The following UNC79 variants were observed in gnomAD, a reference collection of about 807,000 sequenced individuals.
UNC79 encodes protein unc-79 homolog.
In UNC79, 37 loss-of-function variants were observed where a neutral mutation model predicts 283.1. The observed-to-expected ratio is 0.13, with a 90% CI of 0.10 to 0.17. The LOEUF is 0.17. Among genes scored for constraint, UNC79 ranks in the 10% least tolerant of loss-of-function variants. The pLI is 1.00. For synonymous variants in UNC79, 1,107 were observed against 1,200.2 expected, an observed-to-expected ratio of 0.92 and a Z score of 1.61; for missense variants, 2,272 against 3,211.1, an observed-to-expected ratio of 0.71 and a Z score of 7.07.
intron 5 of UNC79, among the ~76,000 whole-genome samples, chr14:93,493,901 A>ATATTTTTTTTT (rs1251701550): frequency 4.1e-5 from 2 of 49,250 alleles, no homozygotes; most frequent in Non-Finnish European, 6.6e-5. Context: ...ATATATATAT[A>ATATTTTTTTTT]TTTTTTTTTT....
intron 40 of UNC79, among the ~76,000 whole-genome samples, chr14:93,668,453 A>G (rs912004637): frequency 2.6e-5 from 4 of 152,096 alleles, no homozygotes; most frequent in Admixed American, 1.3e-4. Flanking sequence ...GCTCATGCCT[A>G]TAATCCCTTC....
At chr14:93,355,120 C>T (rs1460635178) in intron 1 of UNC79, among the ~76,000 whole-genome samples, 2 of 151,904 alleles carry the variant, frequency 1.3e-5, no homozygotes, top group East Asian at 3.9e-4. Context: ...ACCTCCTCCT[C>T]CTGGGTTCAA....
intron 1 of UNC79, among the ~76,000 whole-genome samples, chr14:93,449,921 A>G (rs751270656): frequency 6.6e-6 from 1 of 152,226 alleles, no homozygotes; most frequent in Non-Finnish European, 1.5e-5. Context: ...GGTGGTGGGT[A>G]AATGGGTGTA....
At chr14:93,615,720 CAAAAAAA>C (rs1158073507) in intron 27 of UNC79, among the ~76,000 whole-genome samples, 2 of 23,292 alleles carry the variant, frequency 8.6e-5, no homozygotes, top group Non-Finnish European at 1.1e-4. Flanking sequence ...GACTCCATCT[CAAAAAAA>C]AAAAAAAAAA....
intron 1 of UNC79, among the ~76,000 whole-genome samples, chr14:93,417,397 A>T (rs1195201992): frequency 1.3e-5 from 2 of 152,192 alleles, no homozygotes; most frequent in African/African-American, 2.4e-5. Flanking sequence ...ATCCGCTGTT[A>T]GTCTGATGGG....
intron 23 of UNC79, 112 bp downstream of exon 23, chr14:93,593,949 T>G: frequency 8.2e-7 from 1 of 1,215,620 alleles, no homozygotes; most frequent in Non-Finnish European, 1.1e-6. Context: ...AAAGGCATTC[T>G]CCTGCTGGCT....
intron 42 of UNC79, 144 bp downstream of exon 45, chr14:93,682,838 C>G: frequency 1.4e-6 from 1 of 697,192 alleles, no homozygotes; most frequent in South Asian, 2.0e-5. Context: ...ACCTATAATT[C>G]TTTGATTCAT....
chr14:93,500,642 A>G (rs140658967), intron 7 of UNC79, among the ~76,000 whole-genome samples: 14 of 152,306 alleles, frequency 9.2e-5, no homozygotes, highest in African/African-American at 3.1e-4. Flanking sequence ...TAAACCTTAC[A>G]AAAATATTGG....
intron 35 of UNC79, among the ~76,000 whole-genome samples, chr14:93,651,215 A>C (rs2140312329): frequency 1.3e-5 from 2 of 152,320 alleles, no homozygotes; most frequent in African/African-American, 4.8e-5. Flanking sequence ...AAAGTCAGGT[A>C]GCATTAGTCC....
intron 7 of UNC79, among the ~76,000 whole-genome samples, chr14:93,513,068 T>C (rs1443714273): frequency 6.6e-6 from 1 of 152,162 alleles, no homozygotes; most frequent in East Asian, 1.9e-4. Context: ...CATCAAGGCT[T>C]AGCTTTATTT....
intron 1 of UNC79, among the ~76,000 whole-genome samples, chr14:93,352,261 T>C (rs2053993401): frequency 6.6e-6 from 1 of 152,216 alleles, no homozygotes; most frequent in South Asian, 2.1e-4. Flanking sequence ...GAGACCTTAC[T>C]TTTGCTGCCA....
At position 93,630,838 on chromosome 14, in the gene UNC79, A is replaced by C. The variant is rs749927315; in HGVS notation, c.5646A>C (p.Pro1882=). Residue 1882 remains proline (P), a synonymous_variant, in exon 31 of 49, where the codon CCA becomes CCC. Coordinates refer to ENST00000555664, the Ensembl canonical transcript of UNC79. ...AAGGACTTTCAACTTTGGAAATGCCACGAGAATCTTCATCTGCCCCTACGT... is the reference window on the plus strand; with the variant it reads ...AAGGACTTTCAACTTTGGAAATGCCCCGAGAATCTTCATCTGCCCCTACGT... The C allele has an allele frequency of 5.0e-6, 8 of 1,613,944 alleles. No individual in the cohort carries two copies. In the South Asian group the frequency reaches 5.5e-5, roughly 11 times the overall value.
intron 1 of UNC79, among the ~76,000 whole-genome samples, chr14:93,342,170 A>G (rs2053728183): frequency 6.6e-6 from 1 of 152,226 alleles, no homozygotes; most frequent in South Asian, 2.1e-4. Context: ...CTGCCCCTGC[A>G]GCAAACTTCT....
chr14:93,364,871 C>T (rs2054297672), intron 1 of UNC79, among the ~76,000 whole-genome samples: 1 of 151,826 alleles, frequency 6.6e-6, no homozygotes, highest in Admixed American at 6.6e-5. Flanking sequence ...ATGTCCTGCC[C>T]CTCCTCCTAT....
intron 5 of UNC79, among the ~76,000 whole-genome samples, chr14:93,490,574 T>G (rs1232753175): frequency 6.6e-6 from 1 of 152,210 alleles, no homozygotes; most frequent in East Asian, 1.9e-4. Flanking sequence ...TTCAGCCAAG[T>G]TCTTTGTCAC....
At chr14:93,454,204 G>C (rs186608727) in intron 1 of UNC79, among the ~76,000 whole-genome samples, 24 of 151,930 alleles carry the variant, frequency 1.6e-4, no homozygotes, top group East Asian at 1.4e-3. Context: ...ATGACACTTG[G>C]TTATTAAAAA....
intron 1 of UNC79, among the ~76,000 whole-genome samples, chr14:93,417,641 C>T (rs1399000285): frequency 7.9e-5 from 12 of 152,302 alleles, no homozygotes; most frequent in East Asian, 1.9e-4. Flanking sequence ...CCATTCTCCC[C>T]GTCACTTTCA....
At chr14:93,655,161 G>T in intron 37 of UNC79, 73 bp from the exon 41 acceptor site, 3 of 1,542,154 alleles carry the variant, frequency 1.9e-6, no homozygotes, top group South Asian at 2.5e-5. Context: ...CTTTTAAACT[G>T]ACATTTACCA....
chr14:93,366,855 GAGCCACCGTGCCC>G (rs1174312720), intron 1 of UNC79, among the ~76,000 whole-genome samples: 1 of 152,144 alleles, frequency 6.6e-6, no homozygotes, highest in African/African-American at 2.4e-5. Flanking sequence ...TTATAGGTGT[GAGCCACCGTGCCC>G]AGCCTTTCTT....
Sources: allele counts gnomAD v4.1 joint callset (sites outside exome capture counted in the v4.1 genomes callset), GRCh38; gene constraint gnomAD v4.1.1; transcripts MANE v1.5; gene names NCBI Gene and HGNC (gene_info 2026-07-23, HGNC 2026-07-21).